CCDC167: variants seen among roughly 807,000 people sequenced by gnomAD.
CCDC167 encodes coiled-coil domain-containing protein 167.
A neutral mutation model predicts 12.7 loss-of-function variants in CCDC167; 15 were observed. The ratio of observed to expected loss-of-function variants is 1.18; its 90% CI spans 0.79 to 1.81. The LOEUF (loss-of-function observed/expected upper bound fraction) is 1.81. CCDC167 is among the 40% of genes most tolerant of loss of function. The pLI is 0.00. For synonymous variants in CCDC167, 52 were observed against 49.0 expected, an observed-to-expected ratio of 1.06 and a Z score of -0.26; for missense variants, 121 against 120.1, an observed-to-expected ratio of 1.01 and a Z score of -0.03.
chr6:37,499,135 C>G (rs1561801217), intron 1 of CCDC167, among the ~76,000 whole-genome samples: 2 of 152,188 alleles, frequency 1.3e-5, no homozygotes, highest in Non-Finnish European at 2.9e-5. Flanking sequence ...CCACCTGGAA[C>G]CTCAATTTCC....
chr6:37,499,768 G>A (rs374999200), intron 1 of CCDC167, 54 bp downstream of exon 1: 21 of 1,583,772 alleles, frequency 1.3e-5, no homozygotes, highest in South Asian at 1.1e-4. Flanking sequence ...CCCTTATCCC[G>A]CGGCCAGGAG....
At chr6:37,484,426 G>A (rs565248716) in intron 3 of CCDC167, among the ~76,000 whole-genome samples, 4 of 151,644 alleles carry the variant, frequency 2.6e-5, no homozygotes, top group Non-Finnish European at 4.4e-5. Context: ...TGGGAGGTTC[G>A]GCTTCCTTCA....
chr6:37,485,617 G>A (rs755528800), intron 1 of CCDC167, among the ~76,000 whole-genome samples: 7 of 152,250 alleles, frequency 4.6e-5, no homozygotes, highest in Non-Finnish European at 7.3e-5. Flanking sequence ...CTAGAGTGGC[G>A]GAGATGCTGT....
At chr6:37,486,322 T>C (rs1299979167) in intron 1 of CCDC167, among the ~76,000 whole-genome samples, 1 of 152,236 alleles carries the variant, frequency 6.6e-6, no homozygotes, top group Non-Finnish European at 1.5e-5. Flanking sequence ...GCCAGTTCTC[T>C]GCCCCATTCG....
intron 2 of CCDC167, 59 bp from the exon 3 acceptor site, chr6:37,484,921 C>A: frequency 6.3e-7 from 1 of 1,596,656 alleles, no homozygotes; most frequent in Non-Finnish European, 8.6e-7. Flanking sequence ...ACCCGAGGGG[C>A]AGCTGGCATG....
At chr6:37,483,587 G>C (rs1407892714) in intron 3 of CCDC167, among the ~76,000 whole-genome samples, 1 of 152,202 alleles carries the variant, frequency 6.6e-6, no homozygotes, top group Admixed American at 6.5e-5. Context: ...ACACCTGAAA[G>C]CCAAGCTAGG....
chr6:37,488,384 A>G (rs540117506), intron 1 of CCDC167, among the ~76,000 whole-genome samples: 3 of 152,328 alleles, frequency 2.0e-5, no homozygotes, highest in South Asian at 4.1e-4. Context: ...TCTCAACTAC[A>G]TGCACACGGA....
Position 37,484,707 on chromosome 6 carries a change from A to AC in CCDC167, c.190+102dup, listed in dbSNP as rs550741842. 4,810 of 1,344,390 alleles carry AC rather than the reference A, an allele frequency of 3.6e-3. 19 individuals are homozygous for AC. The highest frequency in any genetic ancestry group is 4.5e-3 in the Non-Finnish European group (4,245 of 940,622). 83.3% of individuals were successfully genotyped at this position (1,344,390 alleles called of 1,614,324 possible). ...CTGGGGGCTGGTTCCCTCCCAAAGA[A>AC]CCCCCTTGCTCCCTGCTGCCTTGTC... On this transcript the variant is annotated intron_variant, in intron 3 of 3. Transcript: ENST00000373408.
At chr6:37,498,677 TAGCC>T (rs1762127670) in intron 1 of CCDC167, among the ~76,000 whole-genome samples, 1 of 151,884 alleles carries the variant, frequency 6.6e-6, no homozygotes, top group African/African-American at 2.4e-5. Context: ...ATACAAAAAT[TAGCC>T]AGGCATGGTG....
chr6:37,484,157 C>T (rs924657783), intron 3 of CCDC167, among the ~76,000 whole-genome samples: 1 of 152,220 alleles, frequency 6.6e-6, no homozygotes. Flanking sequence ...ATCAGACCAG[C>T]GCTTCTGGGG....
In CCDC167 at chr6:37,490,898, C is replaced by T. The variant is rs914354; in HGVS notation, c.43-5704G>A. Among the ~76,000 whole-genome samples the T allele has an allele frequency of 8.9e-3, 1,361 of 152,220 alleles. 22 individuals carry two copies. The highest frequency in any genetic ancestry group is 0.032 in the African/African-American group (1,312 of 41,518). ...AGCACCCGGGCCTGGAGTTCAGCAG[C>T]CCCCAGGCAGATAAGCAAACTCCCC... On this transcript the variant is annotated intron_variant, in intron 1 of 3. Transcript: ENST00000373408.
chr6:37,488,201 C>T (rs1761971534), intron 1 of CCDC167, among the ~76,000 whole-genome samples: 1 of 152,200 alleles, frequency 6.6e-6, no homozygotes, highest in African/African-American at 2.4e-5. Flanking sequence ...CTCCAGGGGA[C>T]CTGGCTGCAG....
At chr6:37,484,494 G>C (rs1761915234) in intron 3 of CCDC167, among the ~76,000 whole-genome samples, 1 of 151,660 alleles carries the variant, frequency 6.6e-6, no homozygotes, top group Admixed American at 6.6e-5. Context: ...GGGGTGGGGT[G>C]GGCTGGGGCG....
At chr6:37,492,046 G>A (rs1218950076) in intron 1 of CCDC167, among the ~76,000 whole-genome samples, 6 of 152,212 alleles carry the variant, frequency 3.9e-5, no homozygotes, top group Non-Finnish European at 7.3e-5. Flanking sequence ...GCAGCTTCCT[G>A]TGTCTGCAAC....
intron 1 of CCDC167, 46 bp from the exon 2 acceptor site, chr6:37,485,240 C>A: frequency 6.9e-7 from 1 of 1,441,416 alleles, no homozygotes. Flanking sequence ...GCTTCTAGCT[C>A]TCAAAACACT....
At position 37,484,193 on chromosome 6, in the gene CCDC167, G is replaced by A. The variant is rs145967761; in HGVS notation, c.190+617C>T. On this transcript the variant is annotated intron_variant, in intron 3 of 3. Coordinates refer to ENST00000373408, the MANE Select transcript of CCDC167 (RefSeq NM_138493.3). ...GACTCCTTGCCATTAGAACCTTCCT[G>A]GGGCTGATTCATGGCCAGGCCTGGT... is the stretch of plus-strand genomic sequence containing the variant. 9.8e-5 allele frequency among the ~76,000 whole-genome samples: 15 copies of A among 152,318 alleles called. No individual in the cohort carries two copies. The East Asian group carries it at 2.3e-3, about 24-fold the overall frequency.
intron 1 of CCDC167, among the ~76,000 whole-genome samples, chr6:37,492,219 C>T (rs1194003197): frequency 6.6e-6 from 1 of 152,240 alleles, no homozygotes; most frequent in Non-Finnish European, 1.5e-5. Context: ...CCACTTCAAG[C>T]TCTTTCTCCA....
intron 1 of CCDC167, among the ~76,000 whole-genome samples, chr6:37,490,619 A>G (rs753381114): frequency 2.0e-5 from 3 of 152,112 alleles, no homozygotes; most frequent in Admixed American, 6.5e-5. Context: ...GAGGAGACCC[A>G]TGAGACCAAA....
At chr6:37,496,067 T>C (rs541735406) in intron 1 of CCDC167, among the ~76,000 whole-genome samples, 25 of 152,270 alleles carry the variant, frequency 1.6e-4, no homozygotes, top group Non-Finnish European at 2.9e-4. Flanking sequence ...TACCGTGGTA[T>C]GGAGAGGGTA....
Sources: gnomAD v4.1 joint callset for allele counts (sites outside exome capture counted in the v4.1 genomes callset) on GRCh38, gnomAD v4.1.1 for gene constraint, MANE v1.5 for transcripts, NCBI Gene and HGNC (gene_info 2026-07-23, HGNC 2026-07-21) for gene names.